LRRIQ1: variants seen among roughly 807,000 people sequenced by gnomAD.
The protein encoded by LRRIQ1 is leucine rich repeats and IQ motif containing 1, also known as leucine-rich repeat- and IQ domain-containing protein 1.
A neutral mutation model predicts 211.9 loss-of-function variants in LRRIQ1; 210 were observed. That is an observed-to-expected ratio of 0.99 (90% CI 0.89 to 1.11). LRRIQ1 has a LOEUF of 1.11. Ranked by LOEUF, LRRIQ1 falls within the 50% of genes most tolerant of loss-of-function variation. The pLI, the probability that LRRIQ1 is intolerant of heterozygous loss-of-function variation, is 0.00. For synonymous variants in LRRIQ1, 699 were observed against 650.1 expected (o/e 1.08, Z -1.14); for missense variants, 2,136 against 1,939.5 (o/e 1.10, Z -1.90).
chr12:85,188,353 C>T (rs963353995), intron 24 of LRRIQ1, among the ~76,000 whole-genome samples: 12 of 152,070 alleles, frequency 7.9e-5, no homozygotes, highest in African/African-American at 2.4e-4. Flanking sequence ...AGATGTACAT[C>T]TTATTCAGAT....
intron 1 of LRRIQ1, 33 bp from the exon 2 acceptor site, chr12:85,038,120 G>A: frequency 1.5e-6 from 2 of 1,321,904 alleles, no homozygotes; most frequent in South Asian, 2.4e-5. Flanking sequence ...ATAATTTTTA[G>A]TGACATATTA....
At chr12:85,147,500 A>G (rs1889968240) in intron 19 of LRRIQ1, among the ~76,000 whole-genome samples, 1 of 151,744 alleles carries the variant, frequency 6.6e-6, no homozygotes, top group South Asian at 2.1e-4. Flanking sequence ...GGCCCAAGTC[A>G]TGGTGTCTTT....
At chr12:85,216,149 C>A (rs868460027) in intron 24 of LRRIQ1, among the ~76,000 whole-genome samples, 19 of 152,252 alleles carry the variant, frequency 1.2e-4, no homozygotes, top group Middle Eastern at 6.8e-3. Flanking sequence ...TTAGGTATTT[C>A]TCCTAATGCT....
chr12:85,046,003 C>A lies in LRRIQ1; in HGVS notation c.337-17C>A. On this transcript the variant is annotated splice_polypyrimidine_tract_variant and intron_variant, in intron 4 of 26. Coordinates refer to ENST00000393217, the MANE Select transcript of LRRIQ1 (RefSeq NM_001079910.2). The stretch of plus-strand genomic sequence containing the variant: ...TTTTGATTTTCTTTAATCATTGGTA[C>A]TCATTTAACCTCTTAGATATTATCT... The A allele has an allele frequency of 7.2e-7, 1 of 1,380,094 alleles. No individual in the cohort carries two copies. The highest frequency in any genetic ancestry group is 1.0e-6 in the Non-Finnish European group (1 of 978,228). 85.5% of individuals were successfully genotyped at this position (1,380,094 alleles called of 1,614,324 possible).
chr12:85,213,829 A>C (rs1390620192), intron 24 of LRRIQ1, among the ~76,000 whole-genome samples: 1 of 152,010 alleles, frequency 6.6e-6, no homozygotes, highest in East Asian at 1.9e-4. Flanking sequence ...AAGTAATAAA[A>C]TGTATCAATA....
chr12:85,095,080 C>T (rs570125800), intron 11 of LRRIQ1, among the ~76,000 whole-genome samples: 1 of 151,996 alleles, frequency 6.6e-6, no homozygotes. Context: ...TATTTTACTT[C>T]TTTTTGTGTG....
At chr12:85,160,841 C>T (rs1419724366) in intron 24 of LRRIQ1, 127 bp downstream of exon 24, 2 of 368,292 alleles carry the variant, frequency 5.4e-6, no homozygotes, top group Non-Finnish European at 9.2e-6. Flanking sequence ...ATAACATATA[C>T]TTGAATAACT....
intron 26 of LRRIQ1, among the ~76,000 whole-genome samples, chr12:85,240,534 C>CA (rs1422376694): frequency 2.0e-5 from 3 of 151,992 alleles, no homozygotes; most frequent in African/African-American, 7.2e-5. Flanking sequence ...TTCATTCAAA[C>CA]AAAAAACTGT....
chr12:85,135,791 A>G (rs1162342160), intron 18 of LRRIQ1, among the ~76,000 whole-genome samples: 1 of 151,990 alleles, frequency 6.6e-6, no homozygotes, highest in Non-Finnish European at 1.5e-5. Context: ...ATGTGACACA[A>G]TGTTCCAGGT....
chr12:85,120,455 A>G (rs1038364754), intron 15 of LRRIQ1, among the ~76,000 whole-genome samples: 2 of 152,238 alleles, frequency 1.3e-5, no homozygotes, highest in Non-Finnish European at 2.9e-5. Flanking sequence ...TCTTGAAATC[A>G]GTTAGTGTCA....
chr12:85,147,110 A>C (rs1889943553), intron 19 of LRRIQ1, among the ~76,000 whole-genome samples: 1 of 151,852 alleles, frequency 6.6e-6, no homozygotes, highest in Non-Finnish European at 1.5e-5. Flanking sequence ...CACAACTGTC[A>C]CAATCAAATG....
intron 23 of LRRIQ1, among the ~76,000 whole-genome samples, chr12:85,160,381 G>A (rs1410817200): frequency 6.6e-6 from 1 of 151,974 alleles, no homozygotes; most frequent in Non-Finnish European, 1.5e-5. Context: ...TGGAAAAGTA[G>A]AGTATTTCTG....
At chr12:85,120,105 A>C (rs1565846944) in intron 15 of LRRIQ1, among the ~76,000 whole-genome samples, 1 of 152,220 alleles carries the variant, frequency 6.6e-6, no homozygotes, top group African/African-American at 2.4e-5. Flanking sequence ...CTAAAAAATC[A>C]TCATCATACC....
chr12:85,182,025 T>A (rs965632201), intron 24 of LRRIQ1, among the ~76,000 whole-genome samples: 2 of 152,056 alleles, frequency 1.3e-5, no homozygotes, highest in African/African-American at 4.8e-5. Flanking sequence ...GTAATTTATA[T>A]ATCTGAAGTA....
chr12:85,113,920 T>TGTGTGTGG (rs990783462), intron 15 of LRRIQ1, among the ~76,000 whole-genome samples: 3 of 151,136 alleles, frequency 2.0e-5, no homozygotes, highest in African/African-American at 7.3e-5. Flanking sequence ...TGTGTGTGTG[T>TGTGTGTGG]GTGTGTGTGT....
chr12:85,192,718 A>C (rs1209168404), intron 24 of LRRIQ1, among the ~76,000 whole-genome samples: 68 of 98,422 alleles, frequency 6.9e-4, no homozygotes, highest in Admixed American at 1.1e-3. Context: ...TATAATTATA[A>C]ATATATATAG....
chr12:85,237,351 T>C (rs1029794144), intron 26 of LRRIQ1, among the ~76,000 whole-genome samples: 1 of 152,008 alleles, frequency 6.6e-6, no homozygotes, highest in African/African-American at 2.4e-5. Flanking sequence ...TAAAGAGAGC[T>C]CAGTAGTTTC....
intron 15 of LRRIQ1, among the ~76,000 whole-genome samples, chr12:85,116,603 A>G (rs1267515338): frequency 6.6e-6 from 1 of 152,156 alleles, no homozygotes; most frequent in Non-Finnish European, 1.5e-5. Flanking sequence ...GGTTTGTTAC[A>G]CAGGTAAACA....
chr12:85,182,104 T>G (rs1459533424), intron 24 of LRRIQ1, among the ~76,000 whole-genome samples: 1 of 152,054 alleles, frequency 6.6e-6, no homozygotes, highest in Non-Finnish European at 1.5e-5. Flanking sequence ...AACTGGAACC[T>G]TAGGTTCTTA....
Sources: gnomAD v4.1 joint callset for allele counts (sites outside exome capture counted in the v4.1 genomes callset) on GRCh38, gnomAD v4.1.1 for gene constraint, MANE v1.5 for transcripts, NCBI Gene and HGNC (gene_info 2026-07-23, HGNC 2026-07-21) for gene names.